Variants in MAPDA observed in about 807,000 individuals in gnomAD.
MAPDA encodes the protein N6-Methyl-AMP deaminase.
chr15:43,341,937 C>CA, the MAPDA span, among the ~76,000 whole-genome samples: 1 of 152,032 alleles, frequency 6.6e-6, no homozygotes, highest in Admixed American at 6.6e-5. Context: ...CTCCAAGGTT[C>CA]AAGTGATTCT....
the MAPDA span, chr15:43,351,098 T>G: frequency 6.8e-7 from 1 of 1,464,890 alleles, no homozygotes; most frequent in Non-Finnish European, 9.4e-7. Flanking sequence ...TTGCATTAAT[T>G]CAGATGTTCA....
At chr15:43,340,137 C>T in the MAPDA span, 34 of 778,842 alleles carry the variant, frequency 4.4e-5, no homozygotes, top group Middle Eastern at 2.7e-4. Flanking sequence ...ATCTCTACCA[C>T]GTGAGAAACT....
chr15:43,351,174 G>A, the MAPDA span: 1 of 841,604 alleles, frequency 1.2e-6, no homozygotes, highest in African/African-American at 1.7e-5. Flanking sequence ...AAGGGACCGG[G>A]GTGTGGCTGA....
chr15:43,332,371 T>C, the MAPDA span: 1 of 151,526 alleles, frequency 6.6e-6, no homozygotes, highest in Non-Finnish European at 1.5e-5. Context: ...TCAGGGTTGA[T>C]TGAGGGGCAA....
the MAPDA span, chr15:43,330,566 C>G: frequency 2.7e-6 from 4 of 1,456,874 alleles, no homozygotes; most frequent in African/African-American, 5.8e-5. Flanking sequence ...TCACGGACCT[C>G]GGTAGGGGGA....
At chr15:43,349,090 C>A in the MAPDA span, 1 of 1,612,648 alleles carries the variant, frequency 6.2e-7, no homozygotes, top group Non-Finnish European at 8.5e-7. Context: ...CTCTGTCTCT[C>A]CCCCAATCCC....
chr15:43,330,583 C>A, the MAPDA span: 45 of 1,391,886 alleles, frequency 3.2e-5, no homozygotes, highest in Non-Finnish European at 4.0e-5. Flanking sequence ...GGGAAAAAAA[C>A]CACCCATGCT....
chr15:43,335,317 C>T, the MAPDA span: 3 of 756,128 alleles, frequency 4.0e-6, no homozygotes, highest in East Asian at 5.5e-5. Context: ...GGTGGATTCA[C>T]CTGAGGTCAG....
the MAPDA span, chr15:43,351,799 C>G: frequency 6.4e-7 from 1 of 1,551,582 alleles, no homozygotes; most frequent in Non-Finnish European, 8.7e-7. Context: ...AGAGTACCAG[C>G]TGGCAGCTGA....
the MAPDA span, among the ~76,000 whole-genome samples, chr15:43,348,312 A>G: frequency 1.3e-5 from 2 of 152,322 alleles, no homozygotes; most frequent in South Asian, 2.1e-4. Context: ...TATCTCTACC[A>G]TTCACTAGCT....
At chr15:43,348,559 G>A in the MAPDA span, among the ~76,000 whole-genome samples, 5 of 152,074 alleles carry the variant, frequency 3.3e-5, no homozygotes, top group Non-Finnish European at 7.4e-5. Context: ...ATATACATAT[G>A]GAGTTGTGAA....
chr15:43,334,216 G>T, the MAPDA span, among the ~76,000 whole-genome samples: 1 of 152,116 alleles, frequency 6.6e-6, no homozygotes, highest in African/African-American at 2.4e-5. Context: ...CCATGAAGGT[G>T]AGTGACTAAG....
the MAPDA span, chr15:43,346,018 G>A: frequency 3.1e-6 from 5 of 1,611,126 alleles, no homozygotes; most frequent in Non-Finnish European, 4.2e-6. Flanking sequence ...AATTCTAAAA[G>A]GTAGAATCAG....
chr15:43,346,186 G>GA, the MAPDA span, among the ~76,000 whole-genome samples: 25 of 150,284 alleles, frequency 1.7e-4, no homozygotes, highest in South Asian at 4.2e-4. Context: ...TACCCTAAAA[G>GA]AAAAAAAAAG....
the MAPDA span, chr15:43,335,016 A>G: frequency 3.1e-6 from 4 of 1,296,574 alleles, no homozygotes; most frequent in Non-Finnish European, 4.3e-6. Context: ...AATCTGAAGG[A>G]AATTCAGTAC....
At chr15:43,341,493 TA>T in the MAPDA span, among the ~76,000 whole-genome samples, 1 of 152,248 alleles carries the variant, frequency 6.6e-6, no homozygotes, top group East Asian at 1.9e-4. Flanking sequence ...GGACTCATGT[TA>T]AATGACTGAA....
the MAPDA span, among the ~76,000 whole-genome samples, chr15:43,336,994 C>T: frequency 1.3e-5 from 2 of 151,792 alleles, no homozygotes; most frequent in Non-Finnish European, 2.9e-5. Flanking sequence ...TAGGGCTGGG[C>T]GTGGTGGCTC....
the MAPDA span, among the ~76,000 whole-genome samples, chr15:43,350,548 C>T: frequency 6.6e-6 from 1 of 152,130 alleles, no homozygotes; most frequent in African/African-American, 2.4e-5. Flanking sequence ...GTTTTCTTAC[C>T]TTTGTTTTGG....
At chr15:43,340,450 A>G in the MAPDA span, 37 of 965,166 alleles carry the variant, frequency 3.8e-5, no homozygotes, top group African/African-American at 1.2e-4. Flanking sequence ...TAACTTTTAT[A>G]CTATTGTGTT....
Sources: allele counts gnomAD v4.1 joint callset (sites outside exome capture counted in the v4.1 genomes callset), GRCh38; gene constraint gnomAD v4.1.1; transcripts MANE v1.5; gene names NCBI Gene and HGNC (gene_info 2026-07-23, HGNC 2026-07-21).